EIF4G1: variants seen among roughly 807,000 people sequenced by gnomAD.
EIF4G1 encodes EIF4-gamma.
Under a neutral mutation model 187.8 loss-of-function variants are expected in EIF4G1, and 4 were observed. The observed-to-expected ratio is 0.02, with a 90% CI of 0.01 to 0.05. The LOEUF is 0.05. Among genes scored for constraint, EIF4G1 ranks in the 10% least tolerant of loss-of-function variants. The pLI, the probability that EIF4G1 is intolerant of heterozygous loss-of-function variation, is 1.00. For synonymous variants in EIF4G1, 844 were observed against 781.4 expected (o/e 1.08, Z -1.34); for missense variants, 1,647 against 2,081.1 (o/e 0.79, Z 4.06).
At chr3:184,322,158 C>T (rs1724008911) in intron 10 of EIF4G1, 55 bp downstream of exon 10, 3 of 1,612,002 alleles carry the variant, frequency 1.9e-6, no homozygotes, top group African/African-American at 1.3e-5. Flanking sequence ...TCGTTCCTTG[C>T]CCTCCTTGAT....
In EIF4G1 at chr3:184,334,977, A is replaced by G; in HGVS notation, c.*69A>G. On this transcript the variant is annotated 3_prime_UTR_variant, in exon 33 of 33. Coordinates refer to ENST00000346169, the MANE Select transcript of EIF4G1 (RefSeq NM_198241.3). The surrounding 1 kb of genome is among the most constrained non-coding windows in gnomAD (Gnocchi z 5.8). The stretch of plus-strand genomic sequence containing the variant: ...TGGCCCGGCTAGCCGCCTGGACTGC[A>G]GGGGGGCGGCAGCAGCGGCGGTGGC... 1 of 1,598,082 alleles carries G rather than the reference A, an allele frequency of 6.3e-7. No homozygotes were observed. Among genetic ancestry groups the G allele is most frequent in the Non-Finnish European group, 8.5e-7 (1 of 1,170,684 alleles).
intron 9 of EIF4G1, 111 bp downstream of exon 9, chr3:184,321,104 T>C: frequency 6.6e-7 from 1 of 1,509,650 alleles, no homozygotes; most frequent in South Asian, 1.2e-5. Context: ...GACTTAGATT[T>C]CAGGTTGTGG....
rs759504669 is a variant in EIF4G1, at chr3:184,331,934, G to C, written c.4478-12G>C. 1.7e-5 allele frequency: 28 copies of C among 1,614,202 alleles called. No homozygotes were observed. The highest frequency in any genetic ancestry group is 1.9e-5 in the Non-Finnish European group (23 of 1,180,038). On this transcript the variant is annotated splice_polypyrimidine_tract_variant and intron_variant, in intron 31 of 32. Coordinates refer to ENST00000346169, the MANE Select transcript of EIF4G1 (RefSeq NM_198241.3). ...AGGGTATATTGCTCCACTCATCCCT[G>C]TCTTCTTGTAGTTGAGACTCCCCTC...
intron 6 of EIF4G1, 147 bp from the exon 7 acceptor site, chr3:184,319,542 T>A: frequency 1.5e-6 from 1 of 663,226 alleles, no homozygotes; most frequent in Admixed American, 2.1e-5. Flanking sequence ...GACACCTAAT[T>A]CCCTGGGGGA....
intron 28 of EIF4G1, among the ~76,000 whole-genome samples, chr3:184,330,283 G>A (rs1725793244): frequency 6.6e-6 from 1 of 152,114 alleles, no homozygotes; most frequent in Non-Finnish European, 1.5e-5. Context: ...GGAGGCTGAG[G>A]CAGGAGAATT....
At chr3:184,322,175 C>A in intron 10 of EIF4G1, 72 bp downstream of exon 10, 1 of 1,606,970 alleles carries the variant, frequency 6.2e-7, no homozygotes, top group Non-Finnish European at 8.5e-7. Flanking sequence ...TGATGACCGC[C>A]CATTTTTGAC....
At position 184,321,001 on chromosome 3, in the gene EIF4G1, A is replaced by G. The variant is rs1191373795; in HGVS notation, c.697+8A>G. On this transcript the variant is annotated splice_region_variant and intron_variant, in intron 9 of 32. Coordinates refer to ENST00000346169, the MANE Select transcript of EIF4G1 (RefSeq NM_198241.3). ...CTGTCATTGTCCGGCCAGGTAAGTA[A>G]GCCGGTGGGACGGAGCTTTTATGGG... 4.3e-6 allele frequency: 7 copies of G among 1,613,468 alleles called. No homozygotes were observed. In the Admixed American group the frequency reaches 1.2e-4, roughly 27 times the overall value.
At chr3:184,326,303 A>G (rs750025944) in intron 21 of EIF4G1, among the ~76,000 whole-genome samples, 1 of 152,220 alleles carries the variant, frequency 6.6e-6, no homozygotes, top group Non-Finnish European at 1.5e-5. Context: ...AGTGTCCATG[A>G]AGTTTTATTG....
chr3:184,319,042 C>G (rs1723297301), intron 6 of EIF4G1, among the ~76,000 whole-genome samples: 2 of 151,164 alleles, frequency 1.3e-5, no homozygotes, highest in South Asian at 4.2e-4. Flanking sequence ...CCACTGTATT[C>G]CAGCCTGGGC....
intron 6 of EIF4G1, among the ~76,000 whole-genome samples, chr3:184,318,570 A>G (rs192183197): frequency 6.6e-6 from 1 of 152,248 alleles, no homozygotes; most frequent in East Asian, 1.9e-4. Flanking sequence ...TGGCCAACAT[A>G]GTGAAGCTCC....
chr3:184,323,615 G>A lies in EIF4G1; in HGVS notation c.2274+22G>A. On this transcript the variant is annotated intron_variant, in intron 15 of 32. Transcript: ENST00000346169. The surrounding 1 kb of genome is among the most constrained non-coding windows in gnomAD (Gnocchi z 6.9). ...CCAGGTACTGGCAAGTCCTGCTTTT[G>A]GTCTCTCTCCATTTCTTCTCCAGGT... 6.2e-7 allele frequency: 1 copy of A among 1,613,704 alleles called. No individual in the cohort carries two copies. The highest frequency in any genetic ancestry group is 1.1e-5 in the South Asian group (1 of 91,074).
intron 10 of EIF4G1, 110 bp from the exon 11 acceptor site, chr3:184,322,249 GTGA>G: frequency 6.6e-7 from 1 of 1,522,602 alleles, no homozygotes; most frequent in Non-Finnish European, 9.0e-7. Context: ...CCTAAAAAGG[GTGA>G]TGCAAAGGGG....
chr3:184,331,802 A>G lies in EIF4G1; in HGVS notation c.4470A>G (p.Ala1490=). The part of the protein sequence containing the change: ...RALMTAVCYS[A]IIFETPLRVD... ...TCATGACGGCTGTCTGCTATTCTGC[A>G]ATTATTTGTAAGAGGAACCAGGGAG... The change falls in exon 31 of 33, where the codon GCA becomes GCG. Residue 1490 remains alanine, a synonymous_variant. Transcript: ENST00000346169. The G allele has an allele frequency of 1.2e-6, 2 of 1,614,096 alleles. No individual in the cohort carries two copies. The highest frequency in any genetic ancestry group is 2.2e-5 in the South Asian group (2 of 91,084).
At chr3:184,316,332 T>C (rs947886910) in intron 4 of EIF4G1, 114 bp downstream of exon 4, 2 of 1,336,998 alleles carry the variant, frequency 1.5e-6, no homozygotes, top group Middle Eastern at 5.0e-4. Context: ...TAATCCTCTG[T>C]GTTCTTTCAT....
In EIF4G1 at chr3:184,325,887, A is replaced by G. The variant is rs199973292; in HGVS notation, c.3158A>G (p.Asn1053Ser). Reference protein sequence around the residue: ...GLPLVDDGGWNTVPISKGSRP... With the variant: ...GLPLVDDGGWSTVPISKGSRP... ...CCCCTTGTGGATGATGGTGGCTGGAACACAGTTCCCATCAGCAAAGGTAGC... is the reference window on the plus strand; with the variant it reads ...CCCCTTGTGGATGATGGTGGCTGGAGCACAGTTCCCATCAGCAAAGGTAGC... Residue 1053 changes from asparagine to serine, a missense_variant, in exon 21 of 33, where the codon AAC (asparagine) becomes AGC (serine). Coordinates refer to ENST00000346169, the MANE Select transcript of EIF4G1 (RefSeq NM_198241.3). This position sits in a 1 kb window ranked among gnomAD's most constrained non-coding sequence, Gnocchi z 5.2. 9 of 1,614,080 alleles carry G rather than the reference A, an allele frequency of 5.6e-6. No individual in the cohort carries two copies.
rs755513200 is a variant in EIF4G1, at chr3:184,322,966, C to T, written c.1929+12C>T. ...TGGTGCTGGACAAGGTTAGTGGCTT[C>T]AGTTGGGGAGGGGACGATAAGTTTG... On this transcript the variant is annotated intron_variant, in intron 13 of 32. Coordinates refer to ENST00000346169, the MANE Select transcript of EIF4G1 (RefSeq NM_198241.3). 4.1e-5 allele frequency: 66 copies of T among 1,614,016 alleles called. No homozygotes were observed. The highest frequency in any genetic ancestry group is 5.4e-5 in the Non-Finnish European group (64 of 1,180,032).
intron 6 of EIF4G1, among the ~76,000 whole-genome samples, chr3:184,318,758 C>T (rs931643814): frequency 6.6e-6 from 1 of 152,026 alleles, no homozygotes; most frequent in African/African-American, 2.4e-5. Context: ...GCGTGTGCCA[C>T]CACACCCAGC....
At chr3:184,333,566 G>T (rs1427287209) in intron 32 of EIF4G1, among the ~76,000 whole-genome samples, 1 of 152,142 alleles carries the variant, frequency 6.6e-6, no homozygotes, top group Non-Finnish European at 1.5e-5. Flanking sequence ...GCCAGATGCT[G>T]CTGTGAGCGT....
rs1726672155 is a variant in EIF4G1, at chr3:184,334,140, C to G, written c.4619-587C>G. ...GTTGCTTGGGAAGGCTACCCAGCAG[C>G]TAGGGGTTGAGGAGAAAGAGGGCCC... On this transcript the variant is annotated intron_variant, in intron 32 of 32. Transcript: ENST00000346169. The surrounding 1 kb of genome is among the most constrained non-coding windows in gnomAD (Gnocchi z 5.8). 6.6e-6 allele frequency among the ~76,000 whole-genome samples: 1 copy of G among 152,110 alleles called. No homozygotes were observed. Among genetic ancestry groups the G allele is most frequent in the Non-Finnish European group, 1.5e-5 (1 of 68,012 alleles).
Sources: allele counts gnomAD v4.1 joint callset (sites outside exome capture counted in the v4.1 genomes callset), GRCh38; gene constraint gnomAD v4.1.1; non-coding constraint Gnocchi (gnomAD v3.1); transcripts MANE v1.5; gene names NCBI Gene and HGNC (gene_info 2026-07-23, HGNC 2026-07-21).